The following HIF1A variants were observed in gnomAD, a reference collection of about 807,000 sequenced individuals.
The protein encoded by HIF1A is hypoxia inducible factor 1 subunit alpha, also known as hypoxia-inducible factor 1-alpha.
Under a neutral mutation model 92.7 loss-of-function variants are expected in HIF1A, and 24 were observed. The observed-to-expected ratio is 0.26, with a 90% confidence interval of 0.19 to 0.36. HIF1A has a LOEUF of 0.36. Among genes scored for constraint, HIF1A ranks in the 10% least tolerant of loss-of-function variants. The pLI, the probability that HIF1A is intolerant of heterozygous loss-of-function variation, is 1.00. For missense variants in HIF1A, 799 were observed against 998.5 expected, an observed-to-expected ratio of 0.80 and a Z score of 2.69; for synonymous variants, 319 against 338.7, an observed-to-expected ratio of 0.94 and a Z score of 0.64.
chr14:61,718,774 A>G (rs2044392277), intron 1 of HIF1A, among the ~76,000 whole-genome samples: 1 of 152,126 alleles, frequency 6.6e-6, no homozygotes, highest in Admixed American at 6.6e-5. Flanking sequence ...GTTTTAAGTG[A>G]TAATAGTTTC....
chr14:61,729,132 C>T (rs1768525219), intron 6 of HIF1A, among the ~76,000 whole-genome samples: 2 of 152,070 alleles, frequency 1.3e-5, no homozygotes, highest in African/African-American at 4.8e-5. Context: ...GGCCTTGGTA[C>T]TTAACTGTTG....
intron 1 of HIF1A, among the ~76,000 whole-genome samples, chr14:61,717,195 T>A (rs1594867361): frequency 1.3e-5 from 2 of 152,202 alleles, no homozygotes; most frequent in East Asian, 3.8e-4. Context: ...AACAAATAAT[T>A]CTTGGTCAGT....
intron 1 of HIF1A, among the ~76,000 whole-genome samples, chr14:61,710,075 A>G (rs965263739): frequency 6.6e-6 from 1 of 152,160 alleles, no homozygotes; most frequent in African/African-American, 2.4e-5. Flanking sequence ...ACATATGTTT[A>G]TATTTATACA....
At chr14:61,702,292 A>G (rs1313642829) in intron 1 of HIF1A, among the ~76,000 whole-genome samples, 1 of 145,654 alleles carries the variant, frequency 6.9e-6, no homozygotes, top group East Asian at 2.1e-4. Flanking sequence ...AAAAAAAAAA[A>G]TAGCAGGATG....
chr14:61,715,257 C>G (rs2044351146), intron 1 of HIF1A, among the ~76,000 whole-genome samples: 1 of 152,162 alleles, frequency 6.6e-6, no homozygotes, highest in Non-Finnish European at 1.5e-5. Flanking sequence ...CAGAGAGCAT[C>G]TATTACCATT....
At chr14:61,737,590 G>C (rs2044652935) in intron 9 of HIF1A, among the ~76,000 whole-genome samples, 1 of 152,228 alleles carries the variant, frequency 6.6e-6, no homozygotes, top group South Asian at 2.1e-4. Flanking sequence ...GGTATCAATA[G>C]TGGATTGTAA....
intron 1 of HIF1A, among the ~76,000 whole-genome samples, chr14:61,698,248 T>G (rs1362008102): frequency 6.6e-6 from 1 of 152,202 alleles, no homozygotes; most frequent in African/African-American, 2.4e-5. Flanking sequence ...ACTTTTCTCC[T>G]TATGATTCTA....
Position 61,695,635 on chromosome 14 carries a change from C to A in HIF1A, c.-170C>A. The A allele has an allele frequency of 1.4e-6, 1 of 703,528 alleles. No individual in the cohort carries two copies. Among genetic ancestry groups the A allele is most frequent in the Non-Finnish European group, 2.3e-6 (1 of 428,416 alleles). 43.6% of individuals were successfully genotyped at this position (703,528 alleles called of 1,614,324 possible). A position where few individuals can be genotyped will look rare whatever the true frequency, so the allele number is the denominator to read the frequency against. ...GAGGCTCGGAGCCGGGCCCGGACCC[C>A]GGCGATTGCCGCCCGCTTCTCTCTA... On this transcript the variant is annotated 5_prime_UTR_variant, in exon 1 of 15. Transcript: ENST00000337138.
intron 1 of HIF1A, chr14:61,697,925 A>G: frequency 6.6e-7 from 1 of 1,520,034 alleles, no homozygotes; most frequent in South Asian, 1.2e-5. Context: ...CAAAACCTGA[A>G]GAATTGGAAG....
chr14:61,721,824 G>T lies in HIF1A; in HGVS notation c.457+1G>T. The T allele has an allele frequency of 6.2e-7, 1 of 1,602,546 alleles. No individual in the cohort carries two copies. The highest frequency in any genetic ancestry group is 8.5e-7 in the Non-Finnish European group (1 of 1,169,802). On this transcript the variant is annotated splice_donor_variant, in intron 4 of 14. Coordinates refer to ENST00000337138, the MANE Select transcript of HIF1A (RefSeq NM_001530.4). LOFTEE classifies it high-confidence loss of function. ...AGAGAAATGCTTACACACAGAAATG[G>T]TAAGAAAAGTCTGTTGTTTGATTTA... is the stretch of plus-strand genomic sequence containing the variant.
rs1471380569 is a variant in HIF1A at position 61,720,448 on chromosome 14, T to G, written c.102T>G (p.Ser34=). 1 of 1,613,866 alleles carries G rather than the reference T, an allele frequency of 6.2e-7. No individual in the cohort carries two copies. Among genetic ancestry groups the G allele is most frequent in the South Asian group, 1.1e-5 (1 of 91,018 alleles). ...CCAGATCTCGGCGAAGTAAAGAATC[T>G]GAAGTTTTTTATGAGCTTGCTCATC... The part of the protein sequence containing the change: ...DAARSRRSKE[S]EVFYELAHQL... Residue 34 remains serine (S), a synonymous_variant, in exon 2 of 15, where the codon TCT becomes TCG. Coordinates refer to ENST00000337138, the MANE Select transcript of HIF1A (RefSeq NM_001530.4).
intron 1 of HIF1A, among the ~76,000 whole-genome samples, chr14:61,702,915 A>G (rs2044193878): frequency 6.6e-6 from 1 of 152,032 alleles, no homozygotes; most frequent in Non-Finnish European, 1.5e-5. Context: ...TTACATCTAC[A>G]TTTTTTCCCA....
chr14:61,724,531 T>C (rs966874989), intron 4 of HIF1A, among the ~76,000 whole-genome samples: 1 of 152,178 alleles, frequency 6.6e-6, no homozygotes, highest in African/African-American at 2.4e-5. Context: ...ACTGCCCATC[T>C]TTCCTAGTTC....
At position 61,747,687 on chromosome 14, in the gene HIF1A, A is replaced by C. The variant is rs1169620714; in HGVS notation, c.*602A>C. 1 of 152,636 alleles carries C rather than the reference A, an allele frequency of 6.6e-6. No homozygotes were observed. Among genetic ancestry groups the C allele is most frequent in the Non-Finnish European group, 1.5e-5 (1 of 68,016 alleles). The allele number at this position is 152,636 out of a possible 1,614,324, so 9.5% of individuals were successfully genotyped here. ...ACATGACATTGTTAATCATATAATA[A>C]TGATTCTTAAATGCTGTATGGTTTA... On this transcript the variant is annotated 3_prime_UTR_variant, in exon 15 of 15. Coordinates refer to ENST00000337138, the MANE Select transcript of HIF1A (RefSeq NM_001530.4).
In HIF1A at chr14:61,710,136, T is replaced by C. The variant is rs547632977; in HGVS notation, c.36-10246T>C. On this transcript the variant is annotated intron_variant, in intron 1 of 14. Coordinates refer to ENST00000337138, the MANE Select transcript of HIF1A (RefSeq NM_001530.4). ...CATACTCAATTTTTTTTGTATAGCC[T>C]GCTCTGTTCATATAATACTATATTG... Among the ~76,000 whole-genome samples, 13 of 152,348 alleles carry C rather than the reference T, an allele frequency of 8.5e-5. No individual in the cohort carries two copies. In the South Asian group the frequency reaches 2.1e-3, roughly 24 times the overall value.
At chr14:61,703,788 A>G (rs1355262067) in intron 1 of HIF1A, among the ~76,000 whole-genome samples, 1 of 152,006 alleles carries the variant, frequency 6.6e-6, no homozygotes, top group African/African-American at 2.4e-5. Flanking sequence ...GTAGAATATT[A>G]TCTTACTATA....
intron 8 of HIF1A, among the ~76,000 whole-genome samples, chr14:61,735,227 A>G (rs2044621464): frequency 6.6e-6 from 1 of 152,228 alleles, no homozygotes. Flanking sequence ...CTAGGTGTAC[A>G]GCATCCTTGT....
In HIF1A at chr14:61,720,452, G is replaced by A. The variant is rs1167775993; in HGVS notation, c.106G>A (p.Val36Ile). The A allele has an allele frequency of 6.2e-7, 1 of 1,613,646 alleles. No individual in the cohort carries two copies. Among genetic ancestry groups the A allele is most frequent in the Non-Finnish European group, 8.5e-7 (1 of 1,179,890 alleles). Residue 36 changes from valine (V) to isoleucine (I), a missense_variant, in exon 2 of 15, where the codon GTT becomes ATT. Around this residue, in one of 2 missense-constraint regions of HIF1A, gnomAD observed 516 missense variants for 721.0 expected, o/e 0.72. Transcript: ENST00000337138. ...ATCTCGGCGAAGTAAAGAATCTGAA[G>A]TTTTTTATGAGCTTGCTCATCAGTT... ...ARSRRSKESE[V>I]FYELAHQLPL...
chr14:61,695,694 C>A lies in HIF1A; in HGVS notation c.-111C>A. 2 of 1,214,216 alleles carry A rather than the reference C, an allele frequency of 1.6e-6. No homozygotes were observed. Among genetic ancestry groups the A allele is most frequent in the Admixed American group, 2.2e-5 (1 of 45,758 alleles). The allele number at this position is 1,214,216 out of a possible 1,614,324, so 75.2% of individuals were successfully genotyped here. ...AGGGGTTTCCCGCCTCGCACCCCCA[C>A]CTCTGGACTTGCCTTTCCTTCTCTT... On this transcript the variant is annotated 5_prime_UTR_variant, in exon 1 of 15. Coordinates refer to ENST00000337138, the MANE Select transcript of HIF1A (RefSeq NM_001530.4).
Sources: gnomAD v4.1 joint callset for allele counts (sites outside exome capture counted in the v4.1 genomes callset) on GRCh38, gnomAD v4.1.1 for gene constraint, gnomAD v4.1.1 regional missense constraint, MANE v1.5 for transcripts, NCBI Gene and HGNC (gene_info 2026-07-23, HGNC 2026-07-21) for gene names.